ATP6V1E1: variants seen among roughly 807,000 people sequenced by gnomAD.
The protein encoded by ATP6V1E1 is ATPase H+ transporting V1 subunit E1, also known as V-type proton ATPase subunit E 1.
In ATP6V1E1, 21 loss-of-function variants were observed where a neutral mutation model predicts 35.2. That is an observed-to-expected ratio of 0.60 (90% CI 0.42 to 0.86). The LOEUF (loss-of-function observed/expected upper bound fraction) is 0.86. ATP6V1E1 is among the 40% of genes least tolerant of loss of function. ATP6V1E1 has a pLI of 0.00. For synonymous variants in ATP6V1E1, 83 were observed against 87.8 expected (o/e 0.95, Z 0.30); for missense variants, 183 against 272.6 (o/e 0.67, Z 2.32).
At chr22:17,599,924 A>C in intron 6 of ATP6V1E1, 103 bp downstream of exon 6, 4 of 554,362 alleles carry the variant, frequency 7.2e-6, no homozygotes, top group Admixed American at 3.8e-5. Flanking sequence ...AGACTCCACC[A>C]AAAAAAAAAG....
chr22:17,613,063 C>A, intron 3 of ATP6V1E1, 148 bp downstream of exon 3: 1 of 913,296 alleles, frequency 1.1e-6, no homozygotes, highest in Non-Finnish European at 1.7e-6. Context: ...TTAATTTTCA[C>A]AAATGAAGAA....
At chr22:17,627,530 A>T (rs910053519) in intron 1 of ATP6V1E1, among the ~76,000 whole-genome samples, 4 of 151,890 alleles carry the variant, frequency 2.6e-5, no homozygotes, top group African/African-American at 9.7e-5. Flanking sequence ...GATTAACAGT[A>T]CATACAGGCC....
chr22:17,593,897 T>C (rs1283924612), intron 8 of ATP6V1E1, among the ~76,000 whole-genome samples: 1 of 152,212 alleles, frequency 6.6e-6, no homozygotes, highest in African/African-American at 2.4e-5. Flanking sequence ...AGCTTTATGA[T>C]AATTCCTTTA....
chr22:17,621,942 G>A (rs773087865), intron 1 of ATP6V1E1, among the ~76,000 whole-genome samples: 3 of 152,084 alleles, frequency 2.0e-5, no homozygotes, highest in South Asian at 2.1e-4. Flanking sequence ...CTAGATCACC[G>A]GCTACAATTG....
chr22:17,601,560 A>C (rs2057762110), intron 4 of ATP6V1E1, among the ~76,000 whole-genome samples: 1 of 152,188 alleles, frequency 6.6e-6, no homozygotes, highest in South Asian at 2.1e-4. Context: ...TATGGATCGA[A>C]ATACGAACAG....
chr22:17,600,156 C>T (rs1410846792), intron 5 of ATP6V1E1, 61 bp from the exon 6 acceptor site: 19 of 1,468,906 alleles, frequency 1.3e-5, no homozygotes, highest in Middle Eastern at 1.7e-4. Flanking sequence ...AGAAACAGGT[C>T]GGGCACAGTG....
intron 1 of ATP6V1E1, among the ~76,000 whole-genome samples, chr22:17,622,287 A>C (rs868218849): frequency 1.2e-4 from 19 of 152,204 alleles, no homozygotes; most frequent in East Asian, 1.9e-4. Flanking sequence ...AACATGGAAC[A>C]ACCACCACCA....
chr22:17,625,449 G>A (rs1054497571), intron 1 of ATP6V1E1, among the ~76,000 whole-genome samples: 6 of 131,794 alleles, frequency 4.6e-5, no homozygotes, highest in African/African-American at 1.3e-4. Flanking sequence ...TAGAGACAGG[G>A]TTTCTCCATG....
At chr22:17,601,306 A>C (rs1334281884) in intron 4 of ATP6V1E1, 125 bp from the exon 5 acceptor site, 1 of 713,054 alleles carries the variant, frequency 1.4e-6, no homozygotes, top group African/African-American at 1.8e-5. Flanking sequence ...TTCATTCAAC[A>C]CACATTCCCT....
chr22:17,608,825 G>A (rs1037795978), intron 4 of ATP6V1E1, among the ~76,000 whole-genome samples: 1 of 152,188 alleles, frequency 6.6e-6, no homozygotes, highest in Non-Finnish European at 1.5e-5. Flanking sequence ...AGTGGCTCAC[G>A]CCTGTAATCC....
At chr22:17,619,629 T>A in intron 1 of ATP6V1E1, 103 bp from the exon 2 acceptor site, 1 of 968,988 alleles carries the variant, frequency 1.0e-6, no homozygotes, top group Non-Finnish European at 1.5e-6. Flanking sequence ...CTCACGCCCG[T>A]AATCCTACCA....
At chr22:17,604,110 T>C (rs956700751) in intron 4 of ATP6V1E1, among the ~76,000 whole-genome samples, 1 of 152,218 alleles carries the variant, frequency 6.6e-6, no homozygotes, top group Non-Finnish European at 1.5e-5. Context: ...ATAAACTGTG[T>C]TATCCCTTGT....
intron 4 of ATP6V1E1, among the ~76,000 whole-genome samples, chr22:17,610,175 T>C (rs1308255011): frequency 6.6e-6 from 1 of 152,188 alleles, no homozygotes; most frequent in East Asian, 1.9e-4. Context: ...TATATTCTAA[T>C]AGATTTAAGG....
chr22:17,599,915 G>C, intron 6 of ATP6V1E1, 112 bp downstream of exon 6: 2 of 831,634 alleles, frequency 2.4e-6, no homozygotes, highest in Non-Finnish European at 3.7e-6. Context: ...AACAGAGTGA[G>C]ACTCCACCAA....
Position 17,628,734 on chromosome 22 carries a change from G to A in ATP6V1E1, c.-99C>T. ...AAAGGGAACCCCTGCGCAGATCTCGGGTTCCTTTACTTTATAACCGCGGGT... is the reference window on the plus strand; with the variant it reads ...AAAGGGAACCCCTGCGCAGATCTCGAGTTCCTTTACTTTATAACCGCGGGT... On this transcript the variant is annotated 5_prime_UTR_variant, in exon 1 of 9. Transcript: ENST00000253413. 6.5e-7 allele frequency: 1 copy of A among 1,541,120 alleles called. No individual in the cohort carries two copies. Among genetic ancestry groups the A allele is most frequent in the South Asian group, 1.1e-5 (1 of 89,618 alleles).
At chr22:17,606,889 C>T (rs376615488) in intron 4 of ATP6V1E1, among the ~76,000 whole-genome samples, 5 of 152,326 alleles carry the variant, frequency 3.3e-5, no homozygotes, top group African/African-American at 1.2e-4. Context: ...TTGCCGTTCC[C>T]TTGGCTTCTC....
At chr22:17,612,696 G>T in intron 4 of ATP6V1E1, 116 bp downstream of exon 4, 1 of 881,652 alleles carries the variant, frequency 1.1e-6, no homozygotes, top group South Asian at 1.9e-5. Flanking sequence ...TAATTGGAAT[G>T]TTTTCTCTCT....
intron 1 of ATP6V1E1, among the ~76,000 whole-genome samples, chr22:17,621,903 C>T (rs1015886421): frequency 6.6e-6 from 1 of 152,148 alleles, no homozygotes; most frequent in Non-Finnish European, 1.5e-5. Context: ...CTCAACTGAA[C>T]TATGAGGCTA....
At chr22:17,624,478 C>G (rs146936026) in intron 1 of ATP6V1E1, among the ~76,000 whole-genome samples, 7 of 152,012 alleles carry the variant, frequency 4.6e-5, no homozygotes, top group Non-Finnish European at 1.0e-4. Flanking sequence ...CGCTTGAACC[C>G]GGGAGGCAGA....
Sources: gnomAD v4.1 joint callset for allele counts (sites outside exome capture counted in the v4.1 genomes callset) on GRCh38, gnomAD v4.1.1 for gene constraint, MANE v1.5 for transcripts, NCBI Gene and HGNC (gene_info 2026-07-23, HGNC 2026-07-21) for gene names.